The following STYXL1 variants were observed in gnomAD, a reference collection of about 807,000 sequenced individuals.
STYXL1 encodes serine/threonine/tyrosine-interacting-like protein 1.
In STYXL1, 32 loss-of-function variants were observed where a neutral mutation model predicts 36.4. That is an observed-to-expected ratio of 0.88 (90% CI 0.66 to 1.18). STYXL1 has a LOEUF of 1.18. Ranked by LOEUF, STYXL1 falls within the 50% of genes most tolerant of loss-of-function variation. The pLI is 0.00. For synonymous variants in STYXL1, 133 were observed against 144.1 expected (o/e 0.92, Z 0.55); for missense variants, 354 against 394.1 (o/e 0.90, Z 0.86).
At chr7:76,017,063 C>A (rs1192472197) in intron 4 of STYXL1, among the ~76,000 whole-genome samples, 1 of 152,048 alleles carries the variant, frequency 6.6e-6, no homozygotes, top group African/African-American at 2.4e-5. Flanking sequence ...CTCTTGTCGC[C>A]CAGGCTGGAG....
At chr7:76,010,955 C>CTATAATTCCAGTACTTTGAGAGGCCAA (rs1792478608) in intron 5 of STYXL1, among the ~76,000 whole-genome samples, 1 of 152,142 alleles carries the variant, frequency 6.6e-6, no homozygotes, top group African/African-American at 2.4e-5. Context: ...TGGTTCATGC[C>CTATAATTCCAGTACTTTGAGAGGCCAA]TATAATTCCA....
chr7:76,028,502 G>A (rs1405587767), intron 3 of STYXL1, 140 bp downstream of exon 3: 6 of 720,778 alleles, frequency 8.3e-6, no homozygotes, highest in South Asian at 6.4e-5. Flanking sequence ...AGGGTGAGAG[G>A]TGTGGAAGAC....
chr7:76,014,499 G>A (rs552268067), intron 4 of STYXL1, among the ~76,000 whole-genome samples: 29 of 151,598 alleles, frequency 1.9e-4, no homozygotes, highest in Admixed American at 6.6e-4. Flanking sequence ...CTATAGGTGC[G>A]CACCACCACA....
chr7:76,016,253 C>T (rs116949747), intron 4 of STYXL1, among the ~76,000 whole-genome samples: 2,833 of 150,168 alleles, frequency 0.019, 33 homozygotes, highest in African/African-American at 0.038. Flanking sequence ...TATAGATATA[C>T]GTATATCTAT....
chr7:76,009,934 TC>T (rs1170287137), intron 5 of STYXL1, among the ~76,000 whole-genome samples: 32 of 152,146 alleles, frequency 2.1e-4, no homozygotes, highest in Non-Finnish European at 4.0e-4. Flanking sequence ...TGCGCCTTCT[TC>T]CCAATGTGAC....
At chr7:75,998,795 T>C (rs1790444585) in intron 8 of STYXL1, 2 of 152,284 alleles carry the variant, frequency 1.3e-5, no homozygotes, top group South Asian at 4.1e-4. Context: ...CTAGCCAGGC[T>C]AACTTAAACA....
Position 76,017,744 on chromosome 7 carries a change from G to A in STYXL1, c.308-3857C>T, listed in dbSNP as rs142543429. ...GTACTGAAAATACAAAAAAATAGCC[G>A]GGTGGGGTGGTGCGCACCTGTATTC... is the stretch of plus-strand genomic sequence containing the variant. On this transcript the variant is annotated intron_variant, in intron 4 of 8. Coordinates refer to ENST00000359697, the MANE Select transcript of STYXL1 (RefSeq NM_001317785.2). Among the ~76,000 whole-genome samples the A allele has an allele frequency of 1.9e-3, 289 of 151,282 alleles. 1 individual carries two copies. The highest frequency in any genetic ancestry group is 6.6e-3 in the African/African-American group (273 of 41,212).
chr7:76,013,920 C>T (rs782425576), intron 4 of STYXL1, 33 bp from the exon 5 acceptor site: 1 of 1,582,130 alleles, frequency 6.3e-7, no homozygotes, highest in Non-Finnish European at 8.6e-7. Flanking sequence ...TGAATGTCTC[C>T]TGTGTATCTG....
rs1249881693 is a variant in STYXL1, at chr7:76,047,386, A to C, written c.-5+276T>G. On this transcript the variant is annotated intron_variant, in intron 1 of 8. Coordinates refer to ENST00000359697, the MANE Select transcript of STYXL1 (RefSeq NM_001317785.2). ...GCCACAGTGTCTTTATTCGTAAAGC[A>C]GAAACAGTGGGACCGTCAGAGCACT... is the stretch of plus-strand genomic sequence containing the variant. Among the ~76,000 whole-genome samples the C allele has an allele frequency of 3.9e-5, 6 of 152,254 alleles. No individual in the cohort carries two copies. In the East Asian group the frequency reaches 1.2e-3, roughly 29 times the overall value.
At chr7:76,028,513 C>T in intron 3 of STYXL1, 129 bp downstream of exon 3, 1 of 810,894 alleles carries the variant, frequency 1.2e-6, no homozygotes, top group Non-Finnish European at 2.1e-6. Flanking sequence ...TGTGGAAGAC[C>T]ACCACGGTGG....
chr7:76,036,930 G>A (rs1465671588), intron 1 of STYXL1, among the ~76,000 whole-genome samples: 2 of 148,434 alleles, frequency 1.3e-5, no homozygotes, highest in African/African-American at 2.5e-5. Context: ...GACTACAGGC[G>A]CCCGCCACCA....
intron 5 of STYXL1, among the ~76,000 whole-genome samples, chr7:76,010,069 G>A (rs1792366619): frequency 6.6e-6 from 1 of 152,154 alleles, no homozygotes; most frequent in African/African-American, 2.4e-5. Context: ...AAATGAGGAG[G>A]TGGCAGTGAT....
intron 4 of STYXL1, among the ~76,000 whole-genome samples, chr7:76,018,547 C>T (rs1162852749): frequency 1.3e-5 from 2 of 152,122 alleles, no homozygotes; most frequent in South Asian, 2.1e-4. Context: ...CATGCCACCA[C>T]GCCCAGCTAA....
At chr7:76,034,135 C>T (rs1044909668) in intron 1 of STYXL1, among the ~76,000 whole-genome samples, 1 of 152,184 alleles carries the variant, frequency 6.6e-6, no homozygotes, top group Non-Finnish European at 1.5e-5. Context: ...CAAGGTCTTG[C>T]TCTGTTGCCC....
At chr7:76,022,039 A>G (rs1794146052) in intron 3 of STYXL1, 47 bp from the exon 4 acceptor site, 1 of 1,584,628 alleles carries the variant, frequency 6.3e-7, no homozygotes, top group African/African-American at 1.4e-5. Flanking sequence ...GTTGGTGGGC[A>G]GGTTCGGTTG....
intron 5 of STYXL1, among the ~76,000 whole-genome samples, chr7:76,009,037 C>T (rs76705435): frequency 0.014 from 2,132 of 151,992 alleles, 63 homozygotes; most frequent in East Asian, 0.12. Flanking sequence ...AAAAACCCCA[C>T]AAAAATCCCA....
At chr7:75,999,515 G>GTATA (rs782180038) in intron 8 of STYXL1, among the ~76,000 whole-genome samples, 6,625 of 93,142 alleles carry the variant, frequency 0.071, 198 homozygotes, top group Non-Finnish European at 0.098. Flanking sequence ...GTGTGTATGT[G>GTATA]TGTGTGTGTG....
At chr7:76,032,674 C>A (rs956924848) in intron 1 of STYXL1, among the ~76,000 whole-genome samples, 7 of 152,108 alleles carry the variant, frequency 4.6e-5, no homozygotes, top group East Asian at 3.9e-4. Flanking sequence ...TGCACTCCAG[C>A]CTGGGTGACA....
At chr7:76,043,368 T>C (rs1417559859) in intron 1 of STYXL1, among the ~76,000 whole-genome samples, 1 of 152,024 alleles carries the variant, frequency 6.6e-6, no homozygotes, top group Non-Finnish European at 1.5e-5. Context: ...TCAAAACTCC[T>C]GACCTCAGGT....
Sources: allele counts gnomAD v4.1 joint callset (sites outside exome capture counted in the v4.1 genomes callset), GRCh38; gene constraint gnomAD v4.1.1; transcripts MANE v1.5; gene names NCBI Gene and HGNC (gene_info 2026-07-23, HGNC 2026-07-21).